Variants in CNNM2 observed in about 807,000 individuals in gnomAD.
CNNM2 encodes the protein metal transporter CNNM2.
A neutral mutation model predicts 66.9 loss-of-function variants in CNNM2; 12 were observed. The ratio of observed to expected loss-of-function variants is 0.18; its 90% CI spans 0.11 to 0.29. CNNM2 has a LOEUF of 0.29. Ranked by LOEUF, CNNM2 falls within the 10% of genes least tolerant of loss-of-function variation. The probability of loss-of-function intolerance (pLI) is 1.00; values close to 1 mark genes in which losing one functional copy is unlikely to be tolerated. For missense variants in CNNM2, 705 were observed against 1,167.7 expected (o/e 0.60, Z 5.77); for synonymous variants, 557 against 501.8 (o/e 1.11, Z -1.47).
chr10:102,949,222 C>T (rs1177651925), intron 1 of CNNM2, among the ~76,000 whole-genome samples: 8 of 152,166 alleles, frequency 5.3e-5, no homozygotes, highest in Non-Finnish European at 1.2e-4. Flanking sequence ...GTTGCCCAGG[C>T]TGGAGTGCAG....
At chr10:102,924,559 A>C (rs1018545858) in intron 1 of CNNM2, among the ~76,000 whole-genome samples, 4 of 152,180 alleles carry the variant, frequency 2.6e-5, no homozygotes, top group African/African-American at 7.2e-5. Flanking sequence ...CTGAGAGCTT[A>C]ATATTAAACA....
chr10:102,926,779 G>A (rs1028304222), intron 1 of CNNM2, among the ~76,000 whole-genome samples: 10 of 143,822 alleles, frequency 7.0e-5, no homozygotes, highest in Non-Finnish European at 1.0e-4. Context: ...GCAGTGGCAC[G>A]ATATCGGCTC....
At chr10:102,960,521 ATTTAT>A (rs1272313919) in intron 1 of CNNM2, among the ~76,000 whole-genome samples, 5 of 152,102 alleles carry the variant, frequency 3.3e-5, no homozygotes, top group African/African-American at 1.2e-4. Flanking sequence ...TCCAGTGCGT[ATTTAT>A]TTATCTTTTT....
rs1399743530 is a variant in CNNM2 at position 103,080,591 on chromosome 10, G to C, written c.*3411G>C. ...ATGTTGAAGTGGTTGGCATCCCCAAGTGGGAGGGAGTGGGGCATCTTACCA... is the reference window on the plus strand; with the variant it reads ...ATGTTGAAGTGGTTGGCATCCCCAACTGGGAGGGAGTGGGGCATCTTACCA... On this transcript the variant is annotated 3_prime_UTR_variant, in exon 8 of 8. Coordinates refer to ENST00000369878, the MANE Select transcript of CNNM2 (RefSeq NM_017649.5). The C allele has an allele frequency of 6.6e-6, 1 of 152,148 alleles. No homozygotes were observed. Among genetic ancestry groups the C allele is most frequent in the Non-Finnish European group, 1.5e-5 (1 of 68,020 alleles). 9.4% of individuals were successfully genotyped at this position (152,148 alleles called of 1,614,324 possible).
intron 1 of CNNM2, among the ~76,000 whole-genome samples, chr10:103,030,643 G>C (rs2064805350): frequency 1.3e-5 from 2 of 152,282 alleles, no homozygotes; most frequent in South Asian, 4.1e-4. Context: ...GGGAGGCGGA[G>C]GCTGCAGTGA....
chr10:102,918,533 C>G lies in CNNM2; in HGVS notation c.53C>G (p.Ala18Gly), dbSNP rs1252245575. The change falls in exon 1 of 8, where the codon GCA becomes GGA. Residue 18 changes from alanine to glycine, a missense_variant. Ala to Gly is a moderately conservative substitution (Grantham distance 60, BLOSUM62 0). Around this residue, in one of 9 missense-constraint regions of CNNM2, gnomAD observed 98 missense variants for 73.6 expected, o/e 1.33. Coordinates refer to ENST00000369878, the MANE Select transcript of CNNM2 (RefSeq NM_017649.5). The surrounding 1 kb of genome is among the most constrained non-coding windows in gnomAD (Gnocchi z 4.1). Reference protein sequence around the residue: ...EPKVKMAGGQAAAALPTWKMA... With the variant: ...EPKVKMAGGQGAAALPTWKMA... Reference sequence around the variant, plus strand: ...AAAGTAAAGATGGCGGGCGGGCAGGCAGCCGCCGCACTGCCCACTTGGAAG... The same window carrying G: ...AAAGTAAAGATGGCGGGCGGGCAGGGAGCCGCCGCACTGCCCACTTGGAAG... The G allele has an allele frequency of 1.2e-6, 2 of 1,602,224 alleles. No individual in the cohort carries two copies. The highest frequency in any genetic ancestry group is 2.7e-5 in the African/African-American group (2 of 73,826).
chr10:103,062,253 G>A (rs140578618), intron 4 of CNNM2, among the ~76,000 whole-genome samples: 4 of 152,272 alleles, frequency 2.6e-5, no homozygotes, highest in South Asian at 4.2e-4. Context: ...CCCTATAAAC[G>A]GGGGTCGTCT....
intron 1 of CNNM2, among the ~76,000 whole-genome samples, chr10:103,036,162 G>A (rs1008555001): frequency 2.6e-5 from 4 of 152,194 alleles, no homozygotes; most frequent in East Asian, 1.9e-4. Context: ...TTCATCAAGG[G>A]ATTTATTATA....
chr10:102,970,877 G>T (rs184112672), intron 1 of CNNM2, among the ~76,000 whole-genome samples: 3 of 152,048 alleles, frequency 2.0e-5, no homozygotes, highest in African/African-American at 7.2e-5. Context: ...TTCTTTCCTG[G>T]CTTGGTGACT....
At chr10:102,954,529 A>G (rs144378799) in intron 1 of CNNM2, among the ~76,000 whole-genome samples, 1 of 152,268 alleles carries the variant, frequency 6.6e-6, no homozygotes, top group Non-Finnish European at 1.5e-5. Context: ...TTCCTATGAC[A>G]TCTCTTCAGA....
chr10:102,990,583 G>T (rs1368946184), intron 1 of CNNM2, among the ~76,000 whole-genome samples: 1 of 152,104 alleles, frequency 6.6e-6, no homozygotes, highest in Non-Finnish European at 1.5e-5. Flanking sequence ...CTATAGCAAT[G>T]GCTCTAAGTC....
rs2066070405 is a variant in CNNM2 at position 103,089,080 on chromosome 10, G to C, written c.*11900G>C. 1 of 224,068 alleles carries C rather than the reference G, an allele frequency of 4.5e-6. No homozygotes were observed. Among genetic ancestry groups the C allele is most frequent in the South Asian group, 1.8e-4 (1 of 5,452 alleles). 13.9% of individuals were successfully genotyped at this position (224,068 alleles called of 1,614,324 possible). On this transcript the variant is annotated 3_prime_UTR_variant, in exon 8 of 8. Transcript: ENST00000369878. ...CCTCAAAATAGAATCCTGCCCTAAA[G>C]CAACGCAAGTAGAGCATACTTCTGT...
intron 1 of CNNM2, among the ~76,000 whole-genome samples, chr10:102,977,789 C>CT (rs1204518133): frequency 5.3e-5 from 8 of 151,810 alleles, no homozygotes; most frequent in Admixed American, 2.6e-4. Flanking sequence ...ACTCTGTCTA[C>CT]TTTTTTTTGT....
At chr10:102,995,371 C>A (rs944815808) in intron 1 of CNNM2, among the ~76,000 whole-genome samples, 12 of 150,404 alleles carry the variant, frequency 8.0e-5, no homozygotes, top group Non-Finnish European at 1.6e-4. Context: ...TGCCACTATG[C>A]CCAGCTAATT....
chr10:103,063,792 C>A (rs1294822483), intron 4 of CNNM2, among the ~76,000 whole-genome samples: 1 of 151,990 alleles, frequency 6.6e-6, no homozygotes, highest in Non-Finnish European at 1.5e-5. Context: ...GTGATATGCT[C>A]GACTAGAGTA....
At chr10:102,979,632 T>A (rs1030564857) in intron 1 of CNNM2, among the ~76,000 whole-genome samples, 2 of 152,214 alleles carry the variant, frequency 1.3e-5, no homozygotes, top group Non-Finnish European at 2.9e-5. Context: ...AATTGTTGTA[T>A]CCATTATCCT....
rs1007252353 is a variant in CNNM2 at position 103,084,719 on chromosome 10, G to C, written c.*7539G>C. The C allele has an allele frequency of 5.3e-5, 8 of 152,096 alleles. No homozygotes were observed. The highest frequency in any genetic ancestry group is 1.9e-4 in the African/African-American group (8 of 41,398). The allele number at this position is 152,096 out of a possible 1,614,324, so 9.4% of individuals were successfully genotyped here. A position where few individuals can be genotyped will look rare whatever the true frequency, so the allele number is the denominator to read the frequency against. ...TCTAAGCTTTATCGTGATGCACCCGGGGTTTCTATTTCACAAAAATTGTGC... is the reference window on the plus strand; with the variant it reads ...TCTAAGCTTTATCGTGATGCACCCGCGGTTTCTATTTCACAAAAATTGTGC... On this transcript the variant is annotated 3_prime_UTR_variant, in exon 8 of 8. Transcript: ENST00000369878.
chr10:103,012,639 C>CTTTTTT (rs78646079), intron 1 of CNNM2, among the ~76,000 whole-genome samples: 4 of 118,070 alleles, frequency 3.4e-5, no homozygotes, highest in African/African-American at 1.3e-4. Context: ...CAGAGCAAGA[C>CTTTTTT]TTTTTTTTTT....
chr10:102,995,678 C>T (rs1005138163), intron 1 of CNNM2, among the ~76,000 whole-genome samples: 1 of 147,032 alleles, frequency 6.8e-6, no homozygotes, highest in Non-Finnish European at 1.5e-5. Context: ...AAATGTGTTA[C>T]GTCTGGTGGG....
Sources: gnomAD v4.1 joint callset for allele counts (sites outside exome capture counted in the v4.1 genomes callset) on GRCh38, gnomAD v4.1.1 for gene constraint, gnomAD v4.1.1 regional missense constraint, Gnocchi (gnomAD v3.1) non-coding constraint, MANE v1.5 for transcripts, NCBI Gene and HGNC (gene_info 2026-07-23, HGNC 2026-07-21) for gene names.